SLC17A2: variants seen among roughly 807,000 people sequenced by gnomAD.
SLC17A2 encodes solute carrier family 17 member 2, also known as sodium-dependent phosphate transport protein 3.
A neutral mutation model predicts 52.1 loss-of-function variants in SLC17A2; 38 were observed. The ratio of observed to expected loss-of-function variants is 0.73; its 90% CI spans 0.56 to 0.96. SLC17A2 has a LOEUF of 0.96. Among genes scored for constraint, SLC17A2 ranks in the 40% least tolerant of loss-of-function variants. SLC17A2 has a pLI of 0.00. For synonymous variants in SLC17A2, 226 were observed against 211.9 expected (o/e 1.07, Z -0.58); for missense variants, 508 against 583.9 (o/e 0.87, Z 1.34).
At chr6:25,918,643 A>G in intron 5 of SLC17A2, 70 bp from the exon 6 acceptor site, 1 of 944,808 alleles carries the variant, frequency 1.1e-6, no homozygotes, top group Non-Finnish European at 1.7e-6. Context: ...TCCCTAAACA[A>G]TGTCCCAACA....
At position 25,913,098 on chromosome 6, in the gene SLC17A2, C is replaced by T. The variant is rs183251362; in HGVS notation, c.*219G>A. On this transcript the variant is annotated 3_prime_UTR_variant, in exon 12 of 12. Coordinates refer to ENST00000377850, the MANE Select transcript of SLC17A2 (RefSeq NM_001286123.3). ...CATGCTAGAAACCTCTAAGGAGTAT[C>T]TAAAAATTAGTAGTATCTGGGTTCC... The T allele has an allele frequency of 7.5e-4, 387 of 512,842 alleles. 2 individuals are homozygous for T. The highest frequency in any genetic ancestry group is 1.5e-3 in the Admixed American group (47 of 31,264). The allele number at this position is 512,842 out of a possible 1,614,324, so 31.8% of individuals were successfully genotyped here.
chr6:25,930,173 T>G (rs1766902700), intron 1 of SLC17A2, 104 bp downstream of exon 1: 1 of 152,218 alleles, frequency 6.6e-6, no homozygotes, highest in Non-Finnish European at 1.5e-5. Context: ...CTGAAAAGAC[T>G]CGTTAGCCAC....
intron 6 of SLC17A2, 90 bp from the exon 7 acceptor site, chr6:25,917,177 C>G (rs1369759061): frequency 1.2e-6 from 1 of 837,478 alleles, no homozygotes; most frequent in Non-Finnish European, 2.0e-6. Flanking sequence ...CTCCCTTCTA[C>G]ACACTAATCA....
In SLC17A2 at chr6:25,923,687, A is replaced by C. The variant is rs1197274298; in HGVS notation, c.240+8T>G. On this transcript the variant is annotated splice_region_variant and intron_variant, in intron 3 of 11. Transcript: ENST00000377850. ...TCAACAAAGAGCCCTATTTTCCATC[A>C]TACTTACCTTTGTATCAAATTCCTT... The C allele has an allele frequency of 6.2e-7, 1 of 1,611,504 alleles. No individual in the cohort carries two copies. The highest frequency in any genetic ancestry group is 8.5e-7 in the Non-Finnish European group (1 of 1,177,764).
rs541933949 is a variant in SLC17A2, at chr6:25,921,323, T to C, written c.330A>G (p.Gly110=). ...TTGCTCCAAATATCCCTGCTAAATA[T>C]CCACTTGGGATCAGAGTCAGTATTA... The part of the protein sequence containing the change: ...YGIILTLIPS[G]YLAGIFGAKK... Residue 110 remains glycine, a synonymous_variant, in exon 4 of 12, where the codon GGA becomes GGG. Coordinates refer to ENST00000377850, the MANE Select transcript of SLC17A2 (RefSeq NM_001286123.3). The C allele has an allele frequency of 6.2e-7, 1 of 1,614,132 alleles. No individual in the cohort carries two copies. The highest frequency in any genetic ancestry group is 2.2e-5 in the East Asian group (1 of 44,874).
At position 25,914,650 on chromosome 6, in the gene SLC17A2, C is replaced by T; in HGVS notation, c.1232G>A (p.Gly411Glu). Residue 411 changes from glycine to glutamate, a missense_variant, in exon 11 of 12, where the codon GGA becomes GAA. By Grantham distance (98) the Gly-to-Glu change is moderately conservative (BLOSUM62 -2). Transcript: ENST00000377850. ...IAPRYASFLM[G>E]ISRGFGLIAG... ...GATGAGCCCAAATCCCCTTGAGATTCCCATGAGGAAACTTGCATATCTGTG... is the reference window on the plus strand; with the variant it reads ...GATGAGCCCAAATCCCCTTGAGATTTCCATGAGGAAACTTGCATATCTGTG... The T allele has an allele frequency of 6.2e-7, 1 of 1,610,436 alleles. No homozygotes were observed. Among genetic ancestry groups the T allele is most frequent in the Non-Finnish European group, 8.5e-7 (1 of 1,176,776 alleles).
intron 10 of SLC17A2, among the ~76,000 whole-genome samples, chr6:25,915,149 GTATA>G (rs59580107): frequency 0.018 from 1,065 of 57,884 alleles, 104 homozygotes; most frequent in African/African-American, 0.039. Context: ...TATTGTGACT[GTATA>G]TATATATATA....
In SLC17A2 at chr6:25,915,808, G is replaced by C; in HGVS notation, c.991C>G (p.Gln331Glu). ...CTGGACAAAAGGAAATCTGCCAGCT[G>C]ACCTCCTAAAATTGTACAGCTTGCA... ...AAASCTILGG[Q>E]LADFLLSRNL... is the part of the protein sequence containing the mutation. The change falls in exon 9 of 12, where the codon CAG (glutamine) becomes GAG (glutamate). Residue 331 changes from glutamine (Q) to glutamate (E), a missense_variant. Gln to Glu is a conservative substitution (Grantham distance 29). Coordinates refer to ENST00000377850, the MANE Select transcript of SLC17A2 (RefSeq NM_001286123.3). The C allele has an allele frequency of 6.2e-7, 1 of 1,614,150 alleles. No homozygotes were observed.
intron 5 of SLC17A2, among the ~76,000 whole-genome samples, chr6:25,920,241 C>G (rs1255772493): frequency 6.6e-6 from 1 of 152,090 alleles, no homozygotes; most frequent in African/African-American, 2.4e-5. Context: ...GAGTGAGAAG[C>G]TGGATGGAAT....
rs1180236841 is a variant in SLC17A2, at chr6:25,912,802, C to T, written c.*515G>A. On this transcript the variant is annotated 3_prime_UTR_variant, in exon 12 of 12. Transcript: ENST00000377850. Reference sequence around the variant, plus strand: ...AATAGAATTTAATCACATAAATAAACGTCTATGTTTTACAATGTATAAAAA... The same window carrying T: ...AATAGAATTTAATCACATAAATAAATGTCTATGTTTTACAATGTATAAAAA... 1.3e-5 allele frequency: 2 copies of T among 152,008 alleles called. No individual in the cohort carries two copies. Among genetic ancestry groups the T allele is most frequent in the East Asian group, 1.9e-4 (1 of 5,196 alleles). 9.4% of individuals were successfully genotyped at this position (152,008 alleles called of 1,614,324 possible).
chr6:25,914,233 C>T (rs1330724877), intron 11 of SLC17A2, among the ~76,000 whole-genome samples: 1 of 152,166 alleles, frequency 6.6e-6, no homozygotes, highest in African/African-American at 2.4e-5. Context: ...ACATATTCTT[C>T]ATGATCTTCT....
At chr6:25,916,019 T>C (rs1766299478) in intron 8 of SLC17A2, 151 bp from the exon 9 acceptor site, 2 of 658,040 alleles carry the variant, frequency 3.0e-6, no homozygotes, top group Admixed American at 6.0e-5. Context: ...AAGAACACTG[T>C]CTCAGATAAG....
intron 5 of SLC17A2, among the ~76,000 whole-genome samples, chr6:25,919,792 G>A (rs1197796390): frequency 6.6e-6 from 1 of 150,468 alleles, no homozygotes; most frequent in African/African-American, 2.4e-5. Flanking sequence ...AAGGAACAGG[G>A]GCAAAGAACT....
chr6:25,922,583 G>T (rs1039790914), intron 3 of SLC17A2, among the ~76,000 whole-genome samples: 5 of 152,132 alleles, frequency 3.3e-5, no homozygotes, highest in Non-Finnish European at 7.3e-5. Context: ...TGGATATGTA[G>T]ACGGGATAAT....
At chr6:25,917,194 G>A in intron 6 of SLC17A2, 107 bp from the exon 7 acceptor site, 1 of 773,482 alleles carries the variant, frequency 1.3e-6, no homozygotes, top group Non-Finnish European at 2.3e-6. Flanking sequence ...ATCAATTAAT[G>A]CTTATTCTAC....
intron 3 of SLC17A2, among the ~76,000 whole-genome samples, chr6:25,922,024 T>C (rs1766579535): frequency 6.6e-6 from 1 of 150,666 alleles, no homozygotes; most frequent in African/African-American, 2.4e-5. Context: ...ATAAATAGAT[T>C]TTAAAATAAA....
At chr6:25,923,333 A>G (rs908213789) in intron 3 of SLC17A2, among the ~76,000 whole-genome samples, 2 of 152,228 alleles carry the variant, frequency 1.3e-5, no homozygotes, top group African/African-American at 2.4e-5. Flanking sequence ...GTTATATAGA[A>G]TTTACAGGGA....
At position 25,916,773 on chromosome 6, in the gene SLC17A2, C is replaced by G. The variant is rs769904384; in HGVS notation, c.842G>C (p.Gly281Ala). Residue 281 changes from glycine (G) to alanine (A), a missense_variant, in exon 8 of 12, where the codon GGT becomes GCT. By Grantham distance (60) the Gly-to-Ala change is moderately conservative (BLOSUM62 0). Transcript: ENST00000377850. ...GCACAACCAGAAATGGCTGAAAAAA[C>G]CCAGGAAAATGGCCCAAAGTGGTAG... ...TCLPLWAIFLGFFSHFWLCTI... is the reference protein window; with the variant it reads ...TCLPLWAIFLAFFSHFWLCTI... 1.2e-5 allele frequency: 19 copies of G among 1,614,042 alleles called. No individual in the cohort carries two copies. In the African/African-American group the frequency reaches 2.3e-4, roughly 19 times the overall value.
At chr6:25,929,650 A>G (rs998604967) in intron 1 of SLC17A2, among the ~76,000 whole-genome samples, 1 of 152,136 alleles carries the variant, frequency 6.6e-6, no homozygotes, top group Non-Finnish European at 1.5e-5. Context: ...TCATCTGCCT[A>G]TCTTTCTGAG....
Sources: allele counts gnomAD v4.1 joint callset (sites outside exome capture counted in the v4.1 genomes callset), GRCh38; gene constraint gnomAD v4.1.1; transcripts MANE v1.5; gene names NCBI Gene and HGNC (gene_info 2026-07-23, HGNC 2026-07-21).